CDH13: variants seen among roughly 807,000 people sequenced by gnomAD.
The protein encoded by CDH13 is cadherin 13.
In CDH13, 24 loss-of-function variants were observed where a neutral mutation model predicts 63.8. The ratio of observed to expected loss-of-function variants is 0.38; its 90% CI spans 0.27 to 0.53. The LOEUF (loss-of-function observed/expected upper bound fraction) is 0.53, where lower values mean the gene tolerates loss of function less well. CDH13 is among the 20% of genes least tolerant of loss of function. CDH13 has a pLI of 0.85. For synonymous variants in CDH13, 503 were observed against 355.3 expected (o/e 1.42, Z -4.67); for missense variants, 1,049 against 903.1 (o/e 1.16, Z -2.07).
At chr16:83,149,544 A>G (rs1227662562) in intron 4 of CDH13, among the ~76,000 whole-genome samples, 1 of 152,222 alleles carries the variant, frequency 6.6e-6, no homozygotes, top group Non-Finnish European at 1.5e-5. Context: ...CTAGGTACGT[A>G]TTAGGTAGGA....
intron 6 of CDH13, among the ~76,000 whole-genome samples, chr16:83,377,103 A>T (rs1187118548): frequency 6.6e-6 from 1 of 152,190 alleles, no homozygotes; most frequent in East Asian, 1.9e-4. Context: ...AGAATCTGAG[A>T]TGTACCACCC....
chr16:83,126,732 G>C (rs1385822997), intron 4 of CDH13, among the ~76,000 whole-genome samples: 1 of 152,224 alleles, frequency 6.6e-6, no homozygotes, highest in Admixed American at 6.5e-5. Context: ...TCGAAAAATG[G>C]TGGTTGGTTA....
At chr16:83,241,337 A>C (rs1904426375) in intron 5 of CDH13, among the ~76,000 whole-genome samples, 1 of 152,190 alleles carries the variant, frequency 6.6e-6, no homozygotes. Flanking sequence ...AAATTCTTTC[A>C]GATATGTAGC....
chr16:83,123,069 GGC>G (rs1345438296), intron 3 of CDH13, among the ~76,000 whole-genome samples: 6 of 151,942 alleles, frequency 3.9e-5, no homozygotes, highest in African/African-American at 1.5e-4. Flanking sequence ...CATGTCTTCC[GGC>G]TTCATCCATG....
intron 4 of CDH13, among the ~76,000 whole-genome samples, chr16:83,203,917 C>T (rs2039106809): frequency 6.6e-6 from 1 of 152,142 alleles, no homozygotes; most frequent in African/African-American, 2.4e-5. Context: ...CTTCAAATTA[C>T]ACCATTATTA....
intron 9 of CDH13, among the ~76,000 whole-genome samples, chr16:83,672,593 T>G (rs1292273993): frequency 6.6e-6 from 1 of 151,648 alleles, no homozygotes; most frequent in African/African-American, 2.4e-5. Context: ...CCCAGCTAAC[T>G]TTTGTATTTT....
At chr16:83,062,174 C>T (rs2031614886) in intron 3 of CDH13, among the ~76,000 whole-genome samples, 1 of 152,180 alleles carries the variant, frequency 6.6e-6, no homozygotes, top group Non-Finnish European at 1.5e-5. Context: ...AGATCTTTCT[C>T]ATTTTACTGT....
chr16:83,221,535 A>G (rs957722822), intron 5 of CDH13, among the ~76,000 whole-genome samples: 1 of 152,154 alleles, frequency 6.6e-6, no homozygotes, highest in Non-Finnish European at 1.5e-5. Context: ...TTCTATAAAA[A>G]TATTAGCAGG....
intron 8 of CDH13, among the ~76,000 whole-genome samples, chr16:83,658,056 A>G (rs1365008495): frequency 8.7e-5 from 6 of 68,944 alleles, no homozygotes; most frequent in African/African-American, 2.4e-4. Context: ...AAGGTCCCAT[A>G]TCCTCACCAC....
At chr16:83,343,708 A>G (rs1274254973) in intron 5 of CDH13, among the ~76,000 whole-genome samples, 1 of 152,216 alleles carries the variant, frequency 6.6e-6, no homozygotes, top group Middle Eastern at 3.2e-3. Context: ...TTCTTGAGAC[A>G]TATTATATGA....
At chr16:82,691,641 C>T (rs766657943) in intron 1 of CDH13, among the ~76,000 whole-genome samples, 7 of 152,106 alleles carry the variant, frequency 4.6e-5, no homozygotes, top group East Asian at 1.9e-4. Context: ...AAAGAAAATA[C>T]ATTATAAGCC....
At chr16:83,346,094 G>C (rs2090833837) in intron 6 of CDH13, among the ~76,000 whole-genome samples, 1 of 152,090 alleles carries the variant, frequency 6.6e-6, no homozygotes, top group Non-Finnish European at 1.5e-5. Context: ...GATCCCCCAA[G>C]GGCAAGAGCG....
At chr16:82,685,390 C>T (rs1238183640) in intron 1 of CDH13, among the ~76,000 whole-genome samples, 1 of 152,180 alleles carries the variant, frequency 6.6e-6, no homozygotes, top group Non-Finnish European at 1.5e-5. Context: ...TAATCCCATT[C>T]ATAATGGCTC....
chr16:83,107,014 C>T (rs1231628366), intron 3 of CDH13, among the ~76,000 whole-genome samples: 1 of 152,070 alleles, frequency 6.6e-6, no homozygotes, highest in African/African-American at 2.4e-5. Flanking sequence ...TGCATGCACA[C>T]CCCACACACA....
intron 1 of CDH13, among the ~76,000 whole-genome samples, chr16:82,848,286 A>C (rs2039346979): frequency 6.6e-6 from 1 of 152,146 alleles, no homozygotes; most frequent in Non-Finnish European, 1.5e-5. Flanking sequence ...GCAGAGAATT[A>C]CATTGTTGGA....
At chr16:82,780,901 G>C (rs2035723861) in intron 1 of CDH13, among the ~76,000 whole-genome samples, 1 of 152,234 alleles carries the variant, frequency 6.6e-6, no homozygotes, top group Admixed American at 6.5e-5. Flanking sequence ...GACAGTAGCT[G>C]AGTAGTGTAC....
At position 83,644,599 on chromosome 16, in the gene CDH13, C is replaced by T. The variant is rs141217126; in HGVS notation, c.1102-26191C>T. On this transcript the variant is annotated intron_variant, in intron 8 of 13. Transcript: ENST00000567109. ...CTTCACTTTTGTCATCCCTCAGTTA[C>T]GCTGGTTTCTGTATTGCATAGATTC... Among the ~76,000 whole-genome samples, 22 of 152,274 alleles carry T rather than the reference C, an allele frequency of 1.4e-4. No individual in the cohort carries two copies. The East Asian group carries it at 2.5e-3, about 17-fold the overall frequency.
chr16:82,660,607 G>A (rs938246659), intron 1 of CDH13, among the ~76,000 whole-genome samples: 1 of 152,098 alleles, frequency 6.6e-6, no homozygotes, highest in African/African-American at 2.4e-5. Context: ...GCCCAGGAGG[G>A]AAGCTTCCAG....
At chr16:83,394,376 G>A (rs916479649) in intron 6 of CDH13, among the ~76,000 whole-genome samples, 1 of 152,152 alleles carries the variant, frequency 6.6e-6, no homozygotes, top group Admixed American at 6.6e-5. Context: ...TGAAAGAGGC[G>A]AGAGAGTGAG....
Sources: gnomAD v4.1 joint callset for allele counts (sites outside exome capture counted in the v4.1 genomes callset) on GRCh38, gnomAD v4.1.1 for gene constraint, MANE v1.5 for transcripts, NCBI Gene and HGNC (gene_info 2026-07-23, HGNC 2026-07-21) for gene names.